Variants in CNDP1 observed in about 807,000 individuals in gnomAD.
CNDP1 encodes carnosine dipeptidase 1, also known as beta-Ala-His dipeptidase.
Under a neutral mutation model 58.1 loss-of-function variants are expected in CNDP1, and 44 were observed. That is an observed-to-expected ratio of 0.76 (90% CI 0.60 to 0.97). The LOEUF (loss-of-function observed/expected upper bound fraction) is 0.97, where lower values mean the gene tolerates loss of function less well. CNDP1 is among the 50% of genes least tolerant of loss of function. CNDP1 has a pLI of 0.00. For missense variants in CNDP1, 616 were observed against 655.1 expected, an observed-to-expected ratio of 0.94 and a Z score of 0.65; for synonymous variants, 254 against 252.6, an observed-to-expected ratio of 1.01 and a Z score of -0.05.
chr18:74,572,790 C>CAAAAAAAAAAAA (rs56059264), intron 7 of CNDP1, among the ~76,000 whole-genome samples: 10 of 60,010 alleles, frequency 1.7e-4, no homozygotes, highest in Non-Finnish European at 2.4e-4. Flanking sequence ...GACCCTGTAT[C>CAAAAAAAAAAAA]AAAAAAAAAA....
At position 74,567,448 on chromosome 18, in the gene CNDP1, C is replaced by A; in HGVS notation, c.756+15C>A. 1 of 1,604,430 alleles carries A rather than the reference C, an allele frequency of 6.2e-7. No individual in the cohort carries two copies. Reference sequence around the variant, plus strand: ...TCATGGTGGAGGTATCCACAGAGAGCAGTGCATGGATGGAGGCCTGTGGGG... The same window carrying A: ...TCATGGTGGAGGTATCCACAGAGAGAAGTGCATGGATGGAGGCCTGTGGGG... On this transcript the variant is annotated intron_variant, in intron 6 of 11. Coordinates refer to ENST00000358821, the MANE Select transcript of CNDP1 (RefSeq NM_032649.6).
chr18:74,552,732 G>A lies in CNDP1; in HGVS notation c.25-3606G>A, dbSNP rs116513866. Among the ~76,000 whole-genome samples the A allele has an allele frequency of 3.3e-3, 506 of 152,190 alleles. 1 individual carries two copies. Among genetic ancestry groups the A allele is most frequent in the African/African-American group, 0.011 (469 of 41,504 alleles). The stretch of plus-strand genomic sequence containing the variant: ...CCTTTTGGCTACTATGAATAATGCC[G>A]CTATAAACATCCACTTACCAGTTTT... On this transcript the variant is annotated intron_variant, in intron 1 of 11. Transcript: ENST00000358821.
Position 74,560,870 on chromosome 18 carries a change from G to C in CNDP1, c.318G>C (p.Gln106His). 5 of 1,613,690 alleles carry C rather than the reference G, an allele frequency of 3.1e-6. No individual in the cohort carries two copies. Among genetic ancestry groups the C allele is most frequent in the Non-Finnish European group, 4.2e-6 (5 of 1,179,614 alleles). ...DMGPQQLPDG[Q>H]SLPIPPVILA... ...TCATTCTGCAGCTGCCCGATGGTCA[G>C]AGTCTTCCAATACCTCCCGTCATCC... Residue 106 changes from glutamine (Q) to histidine (H), a missense_variant, in exon 4 of 12, where the codon CAG becomes CAC. Coordinates refer to ENST00000358821, the MANE Select transcript of CNDP1 (RefSeq NM_032649.6).
intron 1 of CNDP1, among the ~76,000 whole-genome samples, chr18:74,553,867 A>G (rs1326712801): frequency 6.6e-6 from 1 of 152,178 alleles, no homozygotes; most frequent in African/African-American, 2.4e-5. Flanking sequence ...GCTGTTGACC[A>G]TCCCCACCCC....
intron 1 of CNDP1, among the ~76,000 whole-genome samples, chr18:74,555,568 C>T (rs1415168206): frequency 1.3e-5 from 2 of 152,176 alleles, no homozygotes; most frequent in Non-Finnish European, 2.9e-5. Context: ...ACCTTCCTGT[C>T]AGGGGTCAAG....
At chr18:74,560,819 A>G in intron 3 of CNDP1, 37 bp from the exon 4 acceptor site, 3 of 1,591,776 alleles carry the variant, frequency 1.9e-6, no homozygotes, top group Non-Finnish European at 2.6e-6. Flanking sequence ...AGAACAACAC[A>G]GCATTTTTGA....
chr18:74,576,820 TTG>T (rs1292345366), intron 7 of CNDP1, 47 bp from the exon 8 acceptor site: 1 of 1,548,184 alleles, frequency 6.5e-7, no homozygotes, highest in East Asian at 2.3e-5. Context: ...GACCACAACA[TTG>T]GCACACTCCT....
chr18:74,584,979 CCTTTT>C lies in CNDP1; in HGVS notation c.*418_*422del, dbSNP rs1305398177. 3 of 161,412 alleles carry C rather than the reference CCTTTT, an allele frequency of 1.9e-5. No homozygotes were observed. The highest frequency in any genetic ancestry group is 4.8e-5 in the African/African-American group (2 of 41,784). 10.0% of individuals were successfully genotyped at this position (161,412 alleles called of 1,614,324 possible). The stretch of plus-strand genomic sequence containing the variant: ...GATCGCCTTTGCTTTACCACTCTTT[CCTTTT>C]ATCTTATTAATAAAAATGTTGGTCT... On this transcript the variant is annotated 3_prime_UTR_variant, in exon 12 of 12. Transcript: ENST00000358821.
At position 74,580,260 on chromosome 18, in the gene CNDP1, C is replaced by A. The variant is rs369965808; in HGVS notation, c.1298C>A (p.Ala433Glu). 3 of 1,613,978 alleles carry A rather than the reference C, an allele frequency of 1.9e-6. No homozygotes were observed. The highest frequency in any genetic ancestry group is 2.5e-6 in the Non-Finnish European group (3 of 1,179,986). Residue 433 changes from alanine to glutamate, a missense_variant, in exon 10 of 12, where the codon GCG becomes GAG. Physicochemically the swap from Ala to Glu is moderately radical, Grantham distance 107. Coordinates refer to ENST00000358821, the MANE Select transcript of CNDP1 (RefSeq NM_032649.6). Reference protein sequence around the residue: ...DDTQYLAAKRAIRTVFGTEPD... With the variant: ...DDTQYLAAKREIRTVFGTEPD... ...ACCCAGTATCTCGCAGCAAAAAGAG[C>A]GATCAGAACAGGTGGGACCTTAAGA...
intron 1 of CNDP1, among the ~76,000 whole-genome samples, chr18:74,544,992 G>A (rs1319386263): frequency 6.6e-6 from 1 of 152,144 alleles, no homozygotes; most frequent in Admixed American, 6.5e-5. Context: ...CGGAGGCAGA[G>A]ACTGGAAGGA....
intron 7 of CNDP1, among the ~76,000 whole-genome samples, chr18:74,572,254 T>C (rs1981497527): frequency 2.0e-5 from 3 of 152,124 alleles, no homozygotes; most frequent in Admixed American, 2.0e-4. Flanking sequence ...CAGGCTCAAT[T>C]CACCTACAGC....
intron 3 of CNDP1, among the ~76,000 whole-genome samples, chr18:74,560,526 C>A (rs186848595): frequency 9.9e-5 from 15 of 152,096 alleles, no homozygotes; most frequent in Non-Finnish European, 1.6e-4. Context: ...GGCAACATGG[C>A]AAACCTATCT....
At chr18:74,553,062 A>T (rs1447259044) in intron 1 of CNDP1, among the ~76,000 whole-genome samples, 1 of 152,192 alleles carries the variant, frequency 6.6e-6, no homozygotes, top group African/African-American at 2.4e-5. Flanking sequence ...CCATGTGTTT[A>T]TTGGCCATTT....
Position 74,584,502 on chromosome 18 carries a change from C to T in CNDP1, c.1464C>T (p.Asn488=), listed in dbSNP as rs1177530596. ...TTGTTTTTCCTCTTCTTAGGTGGAA[C>T]TACATAGAGGGAACCAAATTATTTG... is the stretch of plus-strand genomic sequence containing the variant. ...HSQNEKINRW[N]YIEGTKLFAA... The change falls in exon 12 of 12, where the codon AAC becomes AAT. Residue 488 remains asparagine, a synonymous_variant. Transcript: ENST00000358821. The T allele has an allele frequency of 1.9e-6, 3 of 1,611,904 alleles. No homozygotes were observed. The East Asian group carries it at 6.7e-5, about 36-fold the overall frequency.
Position 74,585,712 on chromosome 18 carries a change from G to C in CNDP1, c.*1150G>C, listed in dbSNP as rs1981893626. On this transcript the variant is annotated 3_prime_UTR_variant, in exon 12 of 12. Transcript: ENST00000358821. ...TGACTCCAAATAAAAACAAAGCAGA[G>C]GGCCAGGCGCGGTGGCTCATGCCCA... 2 of 151,964 alleles carry C rather than the reference G, an allele frequency of 1.3e-5. No homozygotes were observed. Among genetic ancestry groups the C allele is most frequent in the Non-Finnish European group, 2.9e-5 (2 of 68,002 alleles). The allele number at this position is 151,964 out of a possible 1,614,324, so 9.4% of individuals were successfully genotyped here.
chr18:74,561,184 G>A (rs2881289), intron 4 of CNDP1, among the ~76,000 whole-genome samples, 166 bp downstream of exon 4: 1 of 151,902 alleles, frequency 6.6e-6, no homozygotes, highest in East Asian at 1.9e-4. Context: ...GGAAGCCAAG[G>A]TGGGTGGATC....
In CNDP1 at chr18:74,545,573, G is replaced by T. The variant is rs752697901; in HGVS notation, c.25-10765G>T. Among the ~76,000 whole-genome samples the T allele has an allele frequency of 6.6e-6, 1 of 152,084 alleles. No homozygotes were observed. The highest frequency in any genetic ancestry group is 2.1e-4 in the South Asian group (1 of 4,822). On this transcript the variant is annotated intron_variant, in intron 1 of 11. Coordinates refer to ENST00000358821, the MANE Select transcript of CNDP1 (RefSeq NM_032649.6). The surrounding 1 kb of genome is among the most constrained non-coding windows in gnomAD (Gnocchi z 4.1). ...TGCCAGGCTCTCCTCTCCTGACTCC[G>T]TGAGAAATCTCTGCTCTCCTCCTCG... is the stretch of plus-strand genomic sequence containing the variant.
At chr18:74,567,019 A>T (rs1289325228) in intron 5 of CNDP1, 3 of 560,346 alleles carry the variant, frequency 5.4e-6, no homozygotes, top group African/African-American at 3.8e-5. Context: ...GGAAGAAGCA[A>T]ACCCCTGATA....
intron 6 of CNDP1, among the ~76,000 whole-genome samples, chr18:74,567,765 C>T (rs879918286): frequency 1.2e-4 from 19 of 152,198 alleles, no homozygotes; most frequent in Non-Finnish European, 1.8e-4. Flanking sequence ...AAGCAGACTG[C>T]GCGATCAATG....
Sources: allele counts gnomAD v4.1 joint callset (sites outside exome capture counted in the v4.1 genomes callset), GRCh38; gene constraint gnomAD v4.1.1; non-coding constraint Gnocchi (gnomAD v3.1); transcripts MANE v1.5; gene names NCBI Gene and HGNC (gene_info 2026-07-23, HGNC 2026-07-21).